The following PHLDB2 variants were observed in gnomAD, a reference collection of about 807,000 sequenced individuals.
PHLDB2 encodes pleckstrin homology-like domain family B member 2.
PHLDB2 carries 71 observed loss-of-function variants against 123.6 expected under a neutral mutation model. The observed-to-expected ratio is 0.57, with a 90% confidence interval of 0.47 to 0.70. PHLDB2 has a LOEUF of 0.70. PHLDB2 is among the 30% of genes least tolerant of loss of function. The pLI, the probability that PHLDB2 is intolerant of heterozygous loss-of-function variation, is 0.00. For synonymous variants in PHLDB2, 547 were observed against 541.6 expected (o/e 1.01, Z -0.14); for missense variants, 1,446 against 1,519.5 (o/e 0.95, Z 0.80).
In PHLDB2 at chr3:111,954,007, A is replaced by G. The variant is rs2070872464; in HGVS notation, c.2850A>G (p.Ser950=). ...PPSLAAMAKD[S]ESRRMLRGYN... is the part of the protein sequence containing the mutation. The stretch of plus-strand genomic sequence containing the variant: ...CACTGGCAGCCATGGCCAAAGACTC[A>G]GAATCTCGGAGGATGCTCAGAGGTA... The change falls in exon 12 of 18, where the codon TCA becomes TCG. Residue 950 remains serine (S), a synonymous_variant. Coordinates refer to ENST00000431670, the MANE Select transcript of PHLDB2 (RefSeq NM_001134438.2). 2.5e-6 allele frequency: 4 copies of G among 1,613,448 alleles called. No homozygotes were observed. Among genetic ancestry groups the G allele is most frequent in the Admixed American group, 3.3e-5 (2 of 59,942 alleles).
At chr3:111,894,722 G>A (rs896207268) in intron 2 of PHLDB2, among the ~76,000 whole-genome samples, 1 of 151,658 alleles carries the variant, frequency 6.6e-6, no homozygotes, top group African/African-American at 2.4e-5. Context: ...TTTGAGAAGT[G>A]TCTGTTCATA....
intron 1 of PHLDB2, among the ~76,000 whole-genome samples, chr3:111,827,685 C>CAAAAAA (rs565813163): frequency 1.4e-5 from 1 of 73,166 alleles, no homozygotes; most frequent in Non-Finnish European, 3.0e-5. Context: ...GAATCCGTCT[C>CAAAAAA]AAAAAAAAAA....
At chr3:111,911,576 G>A in intron 2 of PHLDB2, 1 of 1,523,882 alleles carries the variant, frequency 6.6e-7, no homozygotes, top group Non-Finnish European at 8.8e-7. Flanking sequence ...GGTGGAAACT[G>A]AAGAGATAAA....
intron 5 of PHLDB2, among the ~76,000 whole-genome samples, chr3:111,922,083 C>G (rs1453994418): frequency 6.6e-6 from 1 of 152,144 alleles, no homozygotes; most frequent in Non-Finnish European, 1.5e-5. Flanking sequence ...ATTTTATTAT[C>G]AAGTAAATAT....
intron 1 of PHLDB2, among the ~76,000 whole-genome samples, chr3:111,865,985 A>G (rs1200327770): frequency 7.1e-6 from 1 of 141,648 alleles, no homozygotes; most frequent in Non-Finnish European, 1.5e-5. Context: ...TTTACTTTAC[A>G]ATATTTTAGA....
chr3:111,922,154 G>C (rs571081257), intron 5 of PHLDB2, among the ~76,000 whole-genome samples: 2 of 152,168 alleles, frequency 1.3e-5, no homozygotes, highest in Admixed American at 1.3e-4. Context: ...TGGAAAACTC[G>C]TGCAACATAG....
intron 9 of PHLDB2, among the ~76,000 whole-genome samples, chr3:111,946,391 T>A (rs1232664336): frequency 6.6e-6 from 1 of 152,220 alleles, no homozygotes; most frequent in Non-Finnish European, 1.5e-5. Flanking sequence ...TACTTACGTG[T>A]TTGCACAATC....
At chr3:111,904,991 T>C (rs2067428506) in intron 2 of PHLDB2, among the ~76,000 whole-genome samples, 1 of 152,218 alleles carries the variant, frequency 6.6e-6, no homozygotes, top group African/African-American at 2.4e-5. Context: ...AAGTGTATTA[T>C]GAAAGAGAAC....
At chr3:111,773,014 T>A (rs1197846146) in intron 1 of PHLDB2, among the ~76,000 whole-genome samples, 2 of 152,166 alleles carry the variant, frequency 1.3e-5, no homozygotes, top group East Asian at 3.9e-4. Context: ...CAGCACTCCT[T>A]TCTTGAGTTT....
chr3:111,940,597 A>C lies in PHLDB2; in HGVS notation c.2349A>C (p.Gln783His). ...NHIVQQAQRE[Q>H]DHFVKEKNNL... ...TTGTTCAGCAGGCTCAGAGAGAGCA[A>C]GATCATTTTGTGAAAGAAAAGAATA... Residue 783 changes from glutamine to histidine, a missense_variant, in exon 8 of 18, where the codon CAA becomes CAC. This residue lies in a region of PHLDB2 where 594 missense variants were observed against 646.0 expected (regional missense o/e 0.92). Transcript: ENST00000431670. 1 of 1,606,388 alleles carries C rather than the reference A, an allele frequency of 6.2e-7. No homozygotes were observed. The highest frequency in any genetic ancestry group is 1.7e-5 in the Admixed American group (1 of 59,018).
intron 2 of PHLDB2, among the ~76,000 whole-genome samples, chr3:111,888,969 CAAA>C (rs1392986995): frequency 6.6e-6 from 1 of 152,084 alleles, no homozygotes; most frequent in Admixed American, 6.6e-5. Context: ...GACACTAAGA[CAAA>C]AATACTTAAA....
Position 111,859,554 on chromosome 3 carries a change from G to C in PHLDB2, c.-37G>C. On this transcript the variant is annotated 5_prime_UTR_variant, in exon 1 of 18. Transcript: ENST00000431670. ...CGCGCCTGCCTTCTCTCGCCGCCGG[G>C]AACGGGCTGCACCAATGGCCAGGTG... 7 of 985,600 alleles carry C rather than the reference G, an allele frequency of 7.1e-6. No individual in the cohort carries two copies. Among genetic ancestry groups the C allele is most frequent in the Non-Finnish European group, 8.4e-6 (7 of 830,030 alleles). 61.1% of individuals were successfully genotyped at this position (985,600 alleles called of 1,614,324 possible). A position where few individuals can be genotyped will look rare whatever the true frequency, so the allele number is the denominator to read the frequency against.
intron 1 of PHLDB2, among the ~76,000 whole-genome samples, chr3:111,787,506 G>A (rs1367984346): frequency 6.6e-6 from 1 of 152,078 alleles, no homozygotes; most frequent in Non-Finnish European, 1.5e-5. Context: ...GACTTTTCAT[G>A]GTGTGTGACT....
upstream of PHLDB2, among the ~76,000 whole-genome samples, chr3:111,857,374 C>T (rs778266476): frequency 3.3e-4 from 50 of 150,212 alleles, no homozygotes; most frequent in Middle Eastern, 3.4e-3. Context: ...TCACTTGAGC[C>T]CAGGAGGTTA....
At chr3:111,873,880 T>C (rs1426351357) in intron 1 of PHLDB2, among the ~76,000 whole-genome samples, 1 of 152,176 alleles carries the variant, frequency 6.6e-6, no homozygotes, top group Non-Finnish European at 1.5e-5. Context: ...GGAGGGCATA[T>C]CTTACATGGT....
intron 2 of PHLDB2, among the ~76,000 whole-genome samples, chr3:111,886,388 C>T (rs1217710482): frequency 3.3e-5 from 5 of 152,032 alleles, no homozygotes; most frequent in African/African-American, 9.7e-5. Flanking sequence ...CCCACAATGG[C>T]TTTGAATGCC....
At chr3:111,816,520 G>A (rs919613908) in intron 1 of PHLDB2, among the ~76,000 whole-genome samples, 1 of 152,134 alleles carries the variant, frequency 6.6e-6, no homozygotes, top group Admixed American at 6.5e-5. Flanking sequence ...GTCTTGCATG[G>A]GGCCTGGAGC....
At chr3:111,834,034 A>T (rs2063218249) in intron 1 of PHLDB2, among the ~76,000 whole-genome samples, 1 of 113,702 alleles carries the variant, frequency 8.8e-6, no homozygotes, top group Admixed American at 1.1e-4. Flanking sequence ...TATATATAAT[A>T]TATGTAATAG....
chr3:111,828,655 C>T (rs1367353631), intron 1 of PHLDB2, among the ~76,000 whole-genome samples: 1 of 152,046 alleles, frequency 6.6e-6, no homozygotes, highest in African/African-American at 2.4e-5. Context: ...GTGGTGTGCA[C>T]TGGTAGTTCC....
Sources: allele counts gnomAD v4.1 joint callset (sites outside exome capture counted in the v4.1 genomes callset), GRCh38; gene constraint gnomAD v4.1.1; regional missense constraint gnomAD v4.1.1; transcripts MANE v1.5; gene names NCBI Gene and HGNC (gene_info 2026-07-23, HGNC 2026-07-21).